KNL1: variants seen among roughly 807,000 people sequenced by gnomAD.
KNL1 encodes the protein outer kinetochore KNL1 complex subunit KNL1.
KNL1 carries 66 observed loss-of-function variants against 201.3 expected under a neutral mutation model. That is an observed-to-expected ratio of 0.33 (90% CI 0.27 to 0.40). The LOEUF (loss-of-function observed/expected upper bound fraction) is 0.40, where lower values mean the gene tolerates loss of function less well. Ranked by LOEUF, KNL1 falls within the 10% of genes least tolerant of loss-of-function variation. The pLI is 1.00. For synonymous variants in KNL1, 895 were observed against 899.2 expected, an observed-to-expected ratio of 1.00 and a Z score of 0.08; for missense variants, 2,815 against 2,690.5, an observed-to-expected ratio of 1.05 and a Z score of -1.02.
intron 1 of KNL1, among the ~76,000 whole-genome samples, chr15:40,602,691 G>C: frequency 6.7e-6 from 1 of 150,352 alleles, no homozygotes. Flanking sequence ...CTCCATGTTG[G>C]TCAGGCTGAT....
Position 40,623,648 on chromosome 15 carries a change from C to A in KNL1, c.3384C>A (p.Ile1128=), listed in dbSNP as rs1892628255. Residue 1128 remains isoleucine (I), a synonymous_variant, in exon 10 of 26, where the codon ATC becomes ATA. Coordinates refer to ENST00000399668, the MANE Select transcript of KNL1 (RefSeq NM_144508.5). ...CATGTGGGCAGGATGACATGGAGAT[C>A]ACTAGGAGTCACACAACTGCCTTAG... ...LYSCGQDDME[I]TRSHTTALEC... The A allele has an allele frequency of 3.1e-6, 5 of 1,613,662 alleles. No individual in the cohort carries two copies. The African/African-American group carries it at 5.3e-5, about 17-fold the overall frequency.
chr15:40,602,900 G>A lies in KNL1; in HGVS notation c.-17-15G>A, dbSNP rs186815033. The A allele has an allele frequency of 7.7e-5, 109 of 1,413,026 alleles. 1 individual carries two copies. In the East Asian group the frequency reaches 9.6e-4, roughly 12 times the overall value. 87.5% of individuals were successfully genotyped at this position (1,413,026 alleles called of 1,614,324 possible). A position where few individuals can be genotyped will look rare whatever the true frequency, so the allele number is the denominator to read the frequency against. ...CTTTTTCCTCATGTTTTCTAATATT[G>A]TATATTTGTTACAGAAAAGTTTTCT... is the stretch of plus-strand genomic sequence containing the variant. On this transcript the variant is annotated splice_polypyrimidine_tract_variant and intron_variant, in intron 1 of 25. Coordinates refer to ENST00000399668, the MANE Select transcript of KNL1 (RefSeq NM_144508.5).
At chr15:40,627,225 T>C (rs1222865200) in intron 10 of KNL1, among the ~76,000 whole-genome samples, 2 of 152,286 alleles carry the variant, frequency 1.3e-5, no homozygotes, top group East Asian at 3.9e-4. Context: ...AAAGAATATA[T>C]TGTTTTCAGC....
chr15:40,604,613 G>A lies in KNL1; in HGVS notation c.36-497G>A, dbSNP rs144118831. ...TTCAGCTTCTCTTGAAAAATCAAGC[G>A]TGGCAACACTGGGCTCCTATTCTTG... On this transcript the variant is annotated intron_variant, in intron 2 of 25. Coordinates refer to ENST00000399668, the MANE Select transcript of KNL1 (RefSeq NM_144508.5). 2.8e-3 allele frequency among the ~76,000 whole-genome samples: 429 copies of A among 152,220 alleles called. 14 individuals are homozygous for A. In the East Asian group the frequency reaches 0.059, roughly 21 times the overall value.
At chr15:40,648,400 C>T (rs1595943704) in intron 17 of KNL1, among the ~76,000 whole-genome samples, 2 of 152,036 alleles carry the variant, frequency 1.3e-5, no homozygotes, top group East Asian at 3.8e-4. Context: ...CCACTGCACT[C>T]CAGCCTGTGC....
At position 40,657,474 on chromosome 15, in the gene KNL1, G is replaced by A. The variant is rs1364646569; in HGVS notation, c.6713+1G>A. 1.5e-6 allele frequency: 2 copies of A among 1,373,918 alleles called. No homozygotes were observed. Among genetic ancestry groups the A allele is most frequent in the Non-Finnish European group, 2.1e-6 (2 of 961,876 alleles). 85.1% of individuals were successfully genotyped at this position (1,373,918 alleles called of 1,614,324 possible). A position where few individuals can be genotyped will look rare whatever the true frequency, so the allele number is the denominator to read the frequency against. ...TGAACATAGATATTAATAATAATGA[G>A]TAAGTGTATTAGTTCCCAAGGACTG... is the stretch of plus-strand genomic sequence containing the variant. On this transcript the variant is annotated splice_donor_variant, in intron 24 of 25. Coordinates refer to ENST00000399668, the MANE Select transcript of KNL1 (RefSeq NM_144508.5). LOFTEE classifies it high-confidence loss of function.
Position 40,628,250 on chromosome 15 carries a change from T to C in KNL1, c.5515+42T>C, listed in dbSNP as rs1595930761. 3.9e-6 allele frequency: 6 copies of C among 1,536,194 alleles called. 1 individual carries two copies. The Admixed American group carries it at 1.4e-4, about 35-fold the overall frequency. ...GGCTAAATAATAGCAGCCATCTGCT[T>C]ACTTAACTAATAATAAGTAGTTTTC... On this transcript the variant is annotated intron_variant, in intron 11 of 25. Coordinates refer to ENST00000399668, the MANE Select transcript of KNL1 (RefSeq NM_144508.5).
chr15:40,629,318 C>T lies in KNL1; in HGVS notation c.5629C>T (p.Leu1877Phe), dbSNP rs371576856. Residue 1877 changes from leucine to phenylalanine, a missense_variant, in exon 13 of 26, where the codon CTC becomes TTC. Leu to Phe is a conservative substitution (Grantham distance 22, BLOSUM62 0). Transcript: ENST00000399668. ...AACAATAAGGGAGTTCTTTATACTT[C>T]TCCAGGTCCACATCTTGATACAGAA... is the stretch of plus-strand genomic sequence containing the variant. ...RITIREFFIL[L>F]QVHILIQKPR... 5 of 1,604,946 alleles carry T rather than the reference C, an allele frequency of 3.1e-6. No individual in the cohort carries two copies. Among genetic ancestry groups the T allele is most frequent in the Non-Finnish European group, 4.2e-6 (5 of 1,178,162 alleles).
intron 13 of KNL1, among the ~76,000 whole-genome samples, chr15:40,630,242 T>C (rs1448583255): frequency 6.6e-6 from 1 of 152,240 alleles, no homozygotes; most frequent in Non-Finnish European, 1.5e-5. Flanking sequence ...TTATATTCCT[T>C]ACATAGGAAT....
At chr15:40,640,705 TC>T (rs2141747084) in intron 13 of KNL1, among the ~76,000 whole-genome samples, 1 of 152,342 alleles carries the variant, frequency 6.6e-6, no homozygotes, top group African/African-American at 2.4e-5. Context: ...CAACCACAGT[TC>T]CAGTAAAATC....
At chr15:40,626,981 G>T (rs1469823091) in intron 10 of KNL1, among the ~76,000 whole-genome samples, 1 of 152,084 alleles carries the variant, frequency 6.6e-6, no homozygotes, top group East Asian at 2.0e-4. Flanking sequence ...TGCAACCTCC[G>T]CCTCCCAGGT....
chr15:40,659,482 G>A lies in KNL1; in HGVS notation c.6836+21G>A, dbSNP rs150252746. Reference sequence around the variant, plus strand: ...ACTAGGTGAGTAAAGGGCCAACAGGGTAAGACTCTGGGCTACTTCTTTTTT... The same window carrying A: ...ACTAGGTGAGTAAAGGGCCAACAGGATAAGACTCTGGGCTACTTCTTTTTT... On this transcript the variant is annotated intron_variant, in intron 25 of 25. Coordinates refer to ENST00000399668, the MANE Select transcript of KNL1 (RefSeq NM_144508.5). 5.2e-5 allele frequency: 84 copies of A among 1,600,822 alleles called. No individual in the cohort carries two copies. The East Asian group carries it at 1.8e-3, about 35-fold the overall frequency.
At chr15:40,597,998 C>T (rs1342634139) in intron 1 of KNL1, among the ~76,000 whole-genome samples, 7 of 151,974 alleles carry the variant, frequency 4.6e-5, no homozygotes, top group Middle Eastern at 3.4e-3. Context: ...GGTGAAAACC[C>T]GTCTCTACTA....
rs1330466006 is a variant in KNL1, at chr15:40,664,337, T to C, written c.*2149T>C. The C allele has an allele frequency of 2.4e-5, 4 of 169,078 alleles. No homozygotes were observed. The highest frequency in any genetic ancestry group is 5.2e-5 in the Non-Finnish European group (4 of 77,648). The allele number at this position is 169,078 out of a possible 1,614,324, so 10.5% of individuals were successfully genotyped here. ...TGCACTATTAAAATAAGTTTATTAC[T>C]TTAAATCTTTTGTGAGTAGTGTTTC... On this transcript the variant is annotated 3_prime_UTR_variant, in exon 26 of 26. Coordinates refer to ENST00000399668, the MANE Select transcript of KNL1 (RefSeq NM_144508.5).
Position 40,625,438 on chromosome 15 carries a change from C to A in KNL1, c.5174C>A (p.Ser1725Tyr). ...NLPVYPDEIN[S>Y]SDSINIETEE... ...CCTGTATATCCTGATGAGATCAATTCTTCAGACTCTATTAACATAGAAACT... is the reference window on the plus strand; with the variant it reads ...CCTGTATATCCTGATGAGATCAATTATTCAGACTCTATTAACATAGAAACT... The change falls in exon 10 of 26, where the codon TCT (serine) becomes TAT (tyrosine). Residue 1725 changes from serine (S) to tyrosine (Y), a missense_variant. Ser to Tyr is a moderately radical substitution (Grantham distance 144, BLOSUM62 -2). Around this residue, in one of 3 missense-constraint regions of KNL1, gnomAD observed 2,464 missense variants for 2,291.7 expected, o/e 1.08. Transcript: ENST00000399668. The A allele has an allele frequency of 6.2e-7, 1 of 1,613,960 alleles. No homozygotes were observed. Among genetic ancestry groups the A allele is most frequent in the Non-Finnish European group, 8.5e-7 (1 of 1,179,958 alleles).
chr15:40,632,210 A>ACCCCCCCCCCCCCCCCCCC (rs34274284), intron 13 of KNL1, among the ~76,000 whole-genome samples: 1 of 131,710 alleles, frequency 7.6e-6, no homozygotes, highest in Non-Finnish European at 1.6e-5. Context: ...ACATAGCGAG[A>ACCCCCCCCCCCCCCCCCCC]CCCCCCCCCA....
chr15:40,658,561 C>CAAAAAAA (rs35180053), intron 24 of KNL1, among the ~76,000 whole-genome samples: 5 of 74,152 alleles, frequency 6.7e-5, no homozygotes, highest in Non-Finnish European at 1.2e-4. Flanking sequence ...GAATCTGTCT[C>CAAAAAAA]AAAAAAAAAA....
intron 25 of KNL1, among the ~76,000 whole-genome samples, chr15:40,660,071 C>A (rs1418284156): frequency 6.6e-6 from 1 of 151,874 alleles, no homozygotes; most frequent in Non-Finnish European, 1.5e-5. Flanking sequence ...GCCACCACAC[C>A]TAGCTAATTT....
At chr15:40,618,781 T>G (rs918743773) in intron 8 of KNL1, among the ~76,000 whole-genome samples, 178 bp from the exon 9 acceptor site, 3 of 152,122 alleles carry the variant, frequency 2.0e-5, no homozygotes, top group Non-Finnish European at 4.4e-5. Context: ...CACAAAAATA[T>G]GTACAACAAT....
Sources: gnomAD v4.1 joint callset for allele counts (sites outside exome capture counted in the v4.1 genomes callset) on GRCh38, gnomAD v4.1.1 for gene constraint, gnomAD v4.1.1 regional missense constraint, MANE v1.5 for transcripts, NCBI Gene and HGNC (gene_info 2026-07-23, HGNC 2026-07-21) for gene names.